Variants in ZNF385D observed in about 807,000 individuals in gnomAD.
ZNF385D encodes zinc finger protein 659.
Under a neutral mutation model 35.8 loss-of-function variants are expected in ZNF385D, and 15 were observed. The ratio of observed to expected loss-of-function variants is 0.42; its 90% CI spans 0.28 to 0.64. The LOEUF is 0.64. Ranked by LOEUF, ZNF385D falls within the 30% of genes least tolerant of loss-of-function variation. ZNF385D has a pLI of 0.23. For synonymous variants in ZNF385D, 212 were observed against 186.8 expected (o/e 1.13, Z -1.10); for missense variants, 474 against 494.6 (o/e 0.96, Z 0.39).
At chr3:21,717,809 T>C (rs971459334) in intron 1 of ZNF385D, among the ~76,000 whole-genome samples, 7 of 152,238 alleles carry the variant, frequency 4.6e-5, no homozygotes, top group African/African-American at 1.7e-4. Flanking sequence ...GAGGCCTTTC[T>C]AGCCATGTGG....
At position 21,558,284 on chromosome 3, in the gene ZNF385D, G is replaced by C. The variant is rs1212726401; in HGVS notation, c.276+6290C>G. ...TTAGATCTTTCTTGCTTTCTCTTGT[G>C]GGCATCTAGTGCTATAAATTTCCCT... On this transcript the variant is annotated intron_variant, in intron 3 of 7. Transcript: ENST00000281523. 3.9e-5 allele frequency among the ~76,000 whole-genome samples: 6 copies of C among 151,946 alleles called. No homozygotes were observed. The Middle Eastern group carries it at 0.01, about 258-fold the overall frequency.
intron 3 of ZNF385D, among the ~76,000 whole-genome samples, chr3:21,855,726 G>T (rs1365635692): frequency 2.6e-5 from 4 of 151,982 alleles, no homozygotes; most frequent in Admixed American, 2.6e-4. Flanking sequence ...ATGAGAAGGT[G>T]ATATTAAAGT....
chr3:21,869,667 CAGTT>C (rs1357766598), intron 3 of ZNF385D, among the ~76,000 whole-genome samples: 24 of 152,166 alleles, frequency 1.6e-4, no homozygotes, highest in African/African-American at 5.8e-4. Flanking sequence ...TAGCGTAACA[CAGTT>C]AGCTTTTACT....
intron 3 of ZNF385D, among the ~76,000 whole-genome samples, chr3:21,920,925 C>G (rs971043962): frequency 6.6e-6 from 1 of 151,860 alleles, no homozygotes; most frequent in Admixed American, 6.6e-5. Context: ...TTAAGAAAAA[C>G]AAACACTGGG....
At chr3:21,544,219 G>C (rs2062291472) in intron 3 of ZNF385D, among the ~76,000 whole-genome samples, 1 of 152,210 alleles carries the variant, frequency 6.6e-6, no homozygotes, top group African/African-American at 2.4e-5. Context: ...GTTGGGTTTT[G>C]AGAACTATTT....
intron 3 of ZNF385D, among the ~76,000 whole-genome samples, chr3:22,047,410 C>A (rs1699069703): frequency 6.6e-6 from 1 of 152,106 alleles, no homozygotes; most frequent in Non-Finnish European, 1.5e-5. Flanking sequence ...TATTACCCCA[C>A]TCCTCAGCCT....
intron 3 of ZNF385D, among the ~76,000 whole-genome samples, chr3:21,823,647 A>G (rs909120787): frequency 4.6e-5 from 7 of 152,210 alleles, no homozygotes; most frequent in Non-Finnish European, 8.8e-5. Flanking sequence ...CTCAGAAGTG[A>G]ACTAGAAAAC....
chr3:21,881,063 A>G (rs544711398), intron 3 of ZNF385D, among the ~76,000 whole-genome samples: 1 of 152,156 alleles, frequency 6.6e-6, no homozygotes, highest in South Asian at 2.1e-4. Context: ...AGCCATGTTC[A>G]TAACATAAAA....
intron 2 of ZNF385D, among the ~76,000 whole-genome samples, chr3:22,220,059 CCTTTT>C (rs1378262812): frequency 4.0e-5 from 6 of 150,136 alleles, no homozygotes; most frequent in African/African-American, 1.5e-4. Context: ...TTTCTTTCTT[CCTTTT>C]TTTTTTTTCT....
At chr3:22,155,979 G>T (rs541310560) in intron 3 of ZNF385D, among the ~76,000 whole-genome samples, 2 of 152,136 alleles carry the variant, frequency 1.3e-5, no homozygotes, top group Non-Finnish European at 1.5e-5. Flanking sequence ...TTAGATGGAG[G>T]ATGAAATGAA....
At chr3:21,943,933 T>C (rs1395950401) in intron 3 of ZNF385D, among the ~76,000 whole-genome samples, 1 of 152,174 alleles carries the variant, frequency 6.6e-6, no homozygotes, top group African/African-American at 2.4e-5. Context: ...AGCTTCCTTG[T>C]CAGTTCAGTA....
At chr3:21,423,867 G>C in intron 7 of ZNF385D, 96 bp downstream of exon 7, 2 of 1,127,952 alleles carry the variant, frequency 1.8e-6, no homozygotes, top group Admixed American at 4.5e-5. Flanking sequence ...AAAAGGTACT[G>C]GGCTGTGGTT....
intron 4 of ZNF385D, among the ~76,000 whole-genome samples, chr3:21,503,132 C>G (rs532147244): frequency 1.3e-5 from 2 of 152,178 alleles, no homozygotes; most frequent in South Asian, 4.2e-4. Context: ...GATTCATAAC[C>G]CACAAAAGCA....
At chr3:21,884,450 A>C (rs897907488) in intron 3 of ZNF385D, among the ~76,000 whole-genome samples, 1 of 152,134 alleles carries the variant, frequency 6.6e-6, no homozygotes, top group Middle Eastern at 3.4e-3. Flanking sequence ...TCTGCTATTA[A>C]GTTGGTTCTT....
rs897308699 is a variant in ZNF385D at position 21,668,888 on chromosome 3, T to C, written c.23-3860A>G. ...AGGTATGAATAAATGTTTATTATTTTACTTATCATAAAATTATCTTGATAA... is the reference window on the plus strand; with the variant it reads ...AGGTATGAATAAATGTTTATTATTTCACTTATCATAAAATTATCTTGATAA... On this transcript the variant is annotated intron_variant, in intron 1 of 7. Coordinates refer to ENST00000281523, the MANE Select transcript of ZNF385D (RefSeq NM_024697.3). 2.0e-5 allele frequency among the ~76,000 whole-genome samples: 3 copies of C among 152,366 alleles called. No homozygotes were observed. The South Asian group carries it at 6.2e-4, about 32-fold the overall frequency.
chr3:21,901,400 C>T (rs1699405988), intron 3 of ZNF385D, among the ~76,000 whole-genome samples: 1 of 152,138 alleles, frequency 6.6e-6, no homozygotes, highest in Non-Finnish European at 1.5e-5. Context: ...TTAAAATAAA[C>T]TAAGAAGCTT....
At chr3:21,859,938 T>C (rs906350078) in intron 3 of ZNF385D, among the ~76,000 whole-genome samples, 1 of 151,990 alleles carries the variant, frequency 6.6e-6, no homozygotes, top group East Asian at 1.9e-4. Flanking sequence ...ACGCTCTGCA[T>C]CCTGCTGAAA....
At chr3:21,525,639 G>A (rs775772159) in intron 3 of ZNF385D, among the ~76,000 whole-genome samples, 3 of 141,672 alleles carry the variant, frequency 2.1e-5, no homozygotes, top group African/African-American at 5.3e-5. Context: ...AGCAGAGATC[G>A]CGCCACTGCA....
rs565187574 is a variant in ZNF385D at position 22,032,455 on chromosome 3, A to G, written c.325+136362T>C. ...CACTATCACTAGAACAGCATGGAGGAAACTATGCCCATGATCTAATCACCA... is the reference window on the plus strand; with the variant it reads ...CACTATCACTAGAACAGCATGGAGGGAACTATGCCCATGATCTAATCACCA... On this transcript the variant is annotated intron_variant, in intron 3 of 5. Coordinates refer to the ZNF385D transcript ENST00000494108. Among the ~76,000 whole-genome samples, 44 of 152,310 alleles carry G rather than the reference A, an allele frequency of 2.9e-4. No individual in the cohort carries two copies. In the South Asian group the frequency reaches 8.9e-3, roughly 31 times the overall value.
Sources: gnomAD v4.1 joint callset for allele counts (sites outside exome capture counted in the v4.1 genomes callset) on GRCh38, gnomAD v4.1.1 for gene constraint, MANE v1.5 for transcripts, NCBI Gene and HGNC (gene_info 2026-07-23, HGNC 2026-07-21) for gene names.